The following TAF2 variants were observed in gnomAD, a reference collection of about 807,000 sequenced individuals.
TAF2 encodes transcription initiation factor TFIID subunit 2.
A neutral mutation model predicts 138.5 loss-of-function variants in TAF2; 61 were observed. That is an observed-to-expected ratio of 0.44 (90% CI 0.36 to 0.54). The LOEUF (loss-of-function observed/expected upper bound fraction) is 0.54. Ranked by LOEUF, TAF2 falls within the 20% of genes least tolerant of loss-of-function variation. The pLI is 0.00. For synonymous variants in TAF2, 475 were observed against 469.9 expected (o/e 1.01, Z -0.14); for missense variants, 1,090 against 1,427.9 (o/e 0.76, Z 3.81).
At chr8:119,823,164 T>A (rs1355623666) in intron 2 of TAF2, among the ~76,000 whole-genome samples, 2 of 152,216 alleles carry the variant, frequency 1.3e-5, no homozygotes, top group African/African-American at 2.4e-5. Flanking sequence ...ATCTATGCTA[T>A]CCTCAAATGA....
At chr8:119,755,914 C>T in intron 22 of TAF2, 92 bp downstream of exon 22, 2 of 1,030,768 alleles carry the variant, frequency 1.9e-6, no homozygotes, top group Non-Finnish European at 2.9e-6. Flanking sequence ...CAACTTTTAC[C>T]TTTAGTTCTA....
At chr8:119,823,982 T>G (rs1012189395) in intron 2 of TAF2, among the ~76,000 whole-genome samples, 2 of 152,164 alleles carry the variant, frequency 1.3e-5, no homozygotes, top group African/African-American at 4.8e-5. Context: ...TTGTGGAACT[T>G]TGAACTTGAG....
chr8:119,760,843 A>G, intron 19 of TAF2, 105 bp from the exon 20 acceptor site: 1 of 1,479,998 alleles, frequency 6.8e-7, no homozygotes, highest in Non-Finnish European at 9.3e-7. Flanking sequence ...TTAAAAACTG[A>G]TGTGATTTTA....
intron 22 of TAF2, among the ~76,000 whole-genome samples, chr8:119,753,667 AATT>A (rs2131032191): frequency 6.6e-6 from 1 of 152,338 alleles, no homozygotes; most frequent in South Asian, 2.1e-4. Flanking sequence ...TCACAGCTTG[AATT>A]TGTACAATCA....
At chr8:119,803,604 A>C (rs760924684) in intron 5 of TAF2, among the ~76,000 whole-genome samples, 4 of 152,066 alleles carry the variant, frequency 2.6e-5, no homozygotes, top group Non-Finnish European at 4.4e-5. Flanking sequence ...AGGCATGAGA[A>C]TCACTTGAAC....
At chr8:119,785,013 A>G (rs563843454) in intron 15 of TAF2, among the ~76,000 whole-genome samples, 188 bp downstream of exon 15, 1 of 152,164 alleles carries the variant, frequency 6.6e-6, no homozygotes, top group Non-Finnish European at 1.5e-5. Context: ...GCCCTGGCAG[A>G]CTTACTTTTT....
chr8:119,733,285 C>T (rs1192653881), intron 25 of TAF2, among the ~76,000 whole-genome samples: 1 of 152,074 alleles, frequency 6.6e-6, no homozygotes, highest in African/African-American at 2.4e-5. Context: ...GACAAATGAA[C>T]TCTAAGAAGA....
intron 23 of TAF2, among the ~76,000 whole-genome samples, chr8:119,746,373 CAAAAAAAAAAAAA>C: frequency 5.5e-5 from 3 of 54,318 alleles, no homozygotes; most frequent in East Asian, 1.5e-3. Flanking sequence ...AACTCTGTCT[CAAAAAAAAAAAAA>C]AAAAAAAAAA....
intron 10 of TAF2, among the ~76,000 whole-genome samples, chr8:119,792,275 T>A (rs939938851): frequency 1.3e-5 from 2 of 151,398 alleles, no homozygotes; most frequent in Non-Finnish European, 2.9e-5. Flanking sequence ...TGCCTCAGCC[T>A]CTCAAGTAGT....
At chr8:119,817,039 A>C (rs1014868780) in intron 3 of TAF2, among the ~76,000 whole-genome samples, 1 of 152,238 alleles carries the variant, frequency 6.6e-6, no homozygotes, top group African/African-American at 2.4e-5. Context: ...CTAAGCAAAA[A>C]AGCAGGGATA....
chr8:119,774,506 T>A (rs975867259), intron 18 of TAF2, among the ~76,000 whole-genome samples: 5 of 141,824 alleles, frequency 3.5e-5, no homozygotes, highest in Non-Finnish European at 7.7e-5. Flanking sequence ...TTTTTTTTTT[T>A]AGCTCATCAG....
chr8:119,815,206 T>C (rs1314623740), intron 3 of TAF2, among the ~76,000 whole-genome samples: 7 of 149,888 alleles, frequency 4.7e-5, no homozygotes, highest in Non-Finnish European at 8.9e-5. Context: ...CACTTGAACC[T>C]GGGAGGCGGA....
intron 4 of TAF2, among the ~76,000 whole-genome samples, chr8:119,805,350 A>G (rs2131218247): frequency 6.6e-6 from 1 of 152,312 alleles, no homozygotes; most frequent in South Asian, 2.1e-4. Context: ...TTCCTGCTAC[A>G]AAATGCTACA....
chr8:119,743,583 T>C (rs1359176284), intron 24 of TAF2, among the ~76,000 whole-genome samples: 7 of 152,112 alleles, frequency 4.6e-5, no homozygotes, highest in Non-Finnish European at 8.8e-5. Context: ...GCTTATGATA[T>C]AAACTGGTAT....
At chr8:119,806,192 G>GTGCC (rs1221035757) in intron 4 of TAF2, 91 bp downstream of exon 4, 2 of 1,089,124 alleles carry the variant, frequency 1.8e-6, no homozygotes, top group Admixed American at 3.4e-5. Context: ...ATGAGGCACA[G>GTGCC]TGCCTGCATC....
intron 2 of TAF2, among the ~76,000 whole-genome samples, chr8:119,822,958 C>A (rs980792404): frequency 6.6e-6 from 1 of 152,192 alleles, no homozygotes; most frequent in African/African-American, 2.4e-5. Flanking sequence ...AATTACCTTG[C>A]CCCTCTGTTT....
rs1278753082 is a variant in TAF2 at position 119,783,526 on chromosome 8, TCA to T, written c.1965_1966del (p.Tyr655Ter). On this transcript the variant is annotated stop_gained and frameshift_variant, in exon 16 of 26. Transcript: ENST00000378164. LOFTEE classifies it high-confidence loss of function. The stretch of plus-strand genomic sequence containing the variant: ...TTCCTGCTGTGCAACAACATCTCTC[TCA>T]TAGCGGAGCTGATACTGCCACATAA... 1.9e-6 allele frequency: 3 copies of T among 1,614,064 alleles called. No individual in the cohort carries two copies. Among genetic ancestry groups the T allele is most frequent in the Non-Finnish European group, 2.5e-6 (3 of 1,180,026 alleles).
At chr8:119,803,741 A>G in intron 5 of TAF2, 137 bp downstream of exon 5, 2 of 919,712 alleles carry the variant, frequency 2.2e-6, no homozygotes, top group East Asian at 2.7e-5. Flanking sequence ...TGACTAACAG[A>G]AAGTAATTTG....
intron 18 of TAF2, among the ~76,000 whole-genome samples, chr8:119,772,564 A>G (rs2131099178): frequency 6.6e-6 from 1 of 152,306 alleles, no homozygotes; most frequent in Admixed American, 6.5e-5. Flanking sequence ...TAACATATCA[A>G]TGTAAAAACC....
Sources: gnomAD v4.1 joint callset for allele counts (sites outside exome capture counted in the v4.1 genomes callset) on GRCh38, gnomAD v4.1.1 for gene constraint, MANE v1.5 for transcripts, NCBI Gene and HGNC (gene_info 2026-07-23, HGNC 2026-07-21) for gene names.